CEP85: variants seen among roughly 807,000 people sequenced by gnomAD.
CEP85 encodes centrosomal protein of 85 kDa.
CEP85 carries 58 observed loss-of-function variants against 93.7 expected under a neutral mutation model. The ratio of observed to expected loss-of-function variants is 0.62; its 90% CI spans 0.50 to 0.77. The LOEUF (loss-of-function observed/expected upper bound fraction) is 0.77, where lower values mean the gene tolerates loss of function less well. Among genes scored for constraint, CEP85 ranks in the 30% least tolerant of loss-of-function variants. CEP85 has a pLI of 0.00. For synonymous variants in CEP85, 314 were observed against 338.6 expected, an observed-to-expected ratio of 0.93 and a Z score of 0.80; for missense variants, 868 against 922.0, an observed-to-expected ratio of 0.94 and a Z score of 0.76.
At chr1:26,246,000 A>G (rs749248728) in intron 3 of CEP85, among the ~76,000 whole-genome samples, 6 of 151,986 alleles carry the variant, frequency 3.9e-5, no homozygotes, top group Non-Finnish European at 1.5e-5. Flanking sequence ...AGTAAGTTCA[A>G]TCACTTTGTT....
intron 2 of CEP85, among the ~76,000 whole-genome samples, chr1:26,242,615 A>G (rs1448978594): frequency 6.6e-6 from 1 of 152,142 alleles, no homozygotes; most frequent in African/African-American, 2.4e-5. Flanking sequence ...AAGATGAGAG[A>G]AGCACTAAAC....
chr1:26,251,252 T>TG (rs1417474115), intron 3 of CEP85, among the ~76,000 whole-genome samples: 3 of 22,248 alleles, frequency 1.3e-4, no homozygotes, highest in Non-Finnish European at 3.0e-4. Context: ...CCAAGCTTGG[T>TG]TTTTTTTTTT....
chr1:26,267,643 T>C (rs1247489959), intron 7 of CEP85, among the ~76,000 whole-genome samples: 1 of 152,210 alleles, frequency 6.6e-6, no homozygotes, highest in Non-Finnish European at 1.5e-5. Context: ...GAGCAGAGCT[T>C]CCATGCCCTC....
intron 7 of CEP85, among the ~76,000 whole-genome samples, chr1:26,267,241 A>G (rs1447970790): frequency 1.3e-5 from 2 of 152,216 alleles, no homozygotes; most frequent in Non-Finnish European, 2.9e-5. Context: ...GGAAAGTGCT[A>G]TACTTATTAT....
At chr1:26,269,245 GT>G (rs2089936578) in intron 8 of CEP85, 6 of 554,360 alleles carry the variant, frequency 1.1e-5, no homozygotes, top group Middle Eastern at 9.7e-4. Flanking sequence ...GACTACCTGC[GT>G]CAGAAATAAG....
chr1:26,270,136 G>T (rs1300368504), intron 9 of CEP85, among the ~76,000 whole-genome samples: 2 of 152,090 alleles, frequency 1.3e-5, no homozygotes, highest in Non-Finnish European at 2.9e-5. Flanking sequence ...TATCTTCATA[G>T]CCTTTGTAAG....
At position 26,275,057 on chromosome 1, in the gene CEP85, ACAG is replaced by A. The variant is rs1288965756; in HGVS notation, c.1890_1892del (p.Ala631del). ...GGATTCAGCCCTGCAGCAGCTGCGC[ACAG>A]CCGTGAAGGAGGTGAGCAACATTAG... On this transcript the variant is annotated inframe_deletion, in exon 12 of 14. Transcript: ENST00000451429. 2.5e-6 allele frequency: 4 copies of A among 1,574,510 alleles called. No homozygotes were observed. Among genetic ancestry groups the A allele is most frequent in the Non-Finnish European group, 3.4e-6 (4 of 1,159,894 alleles).
At chr1:26,260,220 G>C (rs1226290925) in intron 7 of CEP85, among the ~76,000 whole-genome samples, 1 of 152,162 alleles carries the variant, frequency 6.6e-6, no homozygotes, top group Non-Finnish European at 1.5e-5. Context: ...ATCAGGCATG[G>C]TGGCTCACGC....
At chr1:26,248,301 A>G (rs1156399520) in intron 3 of CEP85, among the ~76,000 whole-genome samples, 3 of 152,194 alleles carry the variant, frequency 2.0e-5, no homozygotes, top group Non-Finnish European at 4.4e-5. Flanking sequence ...TATTTTTAAA[A>G]TCAATCAGTG....
rs1233770081 is a variant in CEP85, at chr1:26,271,055, G to A, written c.1691G>A (p.Gly564Asp). 1.2e-6 allele frequency: 2 copies of A among 1,613,772 alleles called. No individual in the cohort carries two copies. The highest frequency in any genetic ancestry group is 4.5e-5 in the East Asian group (2 of 44,874). The change falls in exon 10 of 14, where the codon GGT (glycine) becomes GAT (aspartate). Residue 564 changes from glycine (G) to aspartate (D), a missense_variant. Transcript: ENST00000451429. Reference protein sequence around the residue: ...KQSVEETSGEGPEVEMESWQK... With the variant: ...KQSVEETSGEDPEVEMESWQK... ...TCTGTGGAGGAGACCAGTGGAGAAG[G>A]TCCAGAAGTGGAAATGGAGTCCTGG...
chr1:26,252,970 T>C (rs1242481855), intron 3 of CEP85, among the ~76,000 whole-genome samples: 1 of 152,176 alleles, frequency 6.6e-6, no homozygotes, highest in African/African-American at 2.4e-5. Context: ...TTTTTTTAGC[T>C]TCCACATATA....
chr1:26,265,293 A>AT (rs970133113), intron 7 of CEP85, among the ~76,000 whole-genome samples: 39 of 151,604 alleles, frequency 2.6e-4, no homozygotes, highest in African/African-American at 9.0e-4. Flanking sequence ...TAATTTTTGT[A>AT]TTTTTTATAG....
chr1:26,256,928 G>GGTGTGTGTGTGTGTGTGTGT (rs71004573), intron 4 of CEP85, among the ~76,000 whole-genome samples: 2,457 of 111,440 alleles, frequency 0.022, 52 homozygotes, highest in African/African-American at 0.036. Flanking sequence ...GTTTTGTTTT[G>GGTGTGTGTGTGTGTGTGTGT]GTGTGTGTGT....
intron 7 of CEP85, among the ~76,000 whole-genome samples, chr1:26,264,939 C>T (rs2089870330): frequency 6.6e-6 from 1 of 150,616 alleles, no homozygotes; most frequent in Non-Finnish European, 1.5e-5. Flanking sequence ...GCCTCAGCTA[C>T]CTGAGTAGCT....
Position 26,244,288 on chromosome 1 carries a change from A to T in CEP85, c.178A>T (p.Ile60Phe), listed in dbSNP as rs2089476071. The change falls in exon 3 of 14, where the codon ATT (isoleucine) becomes TTT (phenylalanine). Residue 60 changes from isoleucine (I) to phenylalanine (F), a missense_variant. Physicochemically the swap from Ile to Phe is conservative, Grantham distance 21 (BLOSUM62 0). Coordinates refer to ENST00000451429, the MANE Select transcript of CEP85 (RefSeq NM_001319944.2). ...SSVADSGDTAIGTSCSDIAED... is the reference protein window; with the variant it reads ...SSVADSGDTAFGTSCSDIAED... ...TGTAGCCGACAGTGGGGACACAGCC[A>T]TTGGTACATCATGCTCAGATATTGC... The T allele has an allele frequency of 2.5e-6, 4 of 1,614,112 alleles. No homozygotes were observed. The African/African-American group carries it at 5.3e-5, about 22-fold the overall frequency.
chr1:26,267,315 G>A (rs905590988), intron 7 of CEP85, among the ~76,000 whole-genome samples: 6 of 152,122 alleles, frequency 3.9e-5, no homozygotes, highest in Non-Finnish European at 1.5e-5. Flanking sequence ...TGTAATCCCA[G>A]CACTTTGGGA....
At chr1:26,248,253 G>A (rs1262663617) in intron 3 of CEP85, among the ~76,000 whole-genome samples, 1 of 152,102 alleles carries the variant, frequency 6.6e-6, no homozygotes, top group Non-Finnish European at 1.5e-5. Flanking sequence ...GTCTACATGT[G>A]CAGTCATAGG....
At chr1:26,269,782 CTT>C (rs748230113) in intron 9 of CEP85, among the ~76,000 whole-genome samples, 168 bp downstream of exon 9, 7 of 84,724 alleles carry the variant, frequency 8.3e-5, no homozygotes, top group African/African-American at 1.8e-4. Context: ...TGGGAAGCGG[CTT>C]TTTTTTTTTT....
chr1:26,248,564 C>T (rs1268649053), intron 3 of CEP85, among the ~76,000 whole-genome samples: 14 of 151,432 alleles, frequency 9.2e-5, no homozygotes, highest in African/African-American at 3.2e-4. Context: ...GGCCCAATCT[C>T]GGCTCACTGT....
Sources: allele counts gnomAD v4.1 joint callset (sites outside exome capture counted in the v4.1 genomes callset), GRCh38; gene constraint gnomAD v4.1.1; transcripts MANE v1.5; gene names NCBI Gene and HGNC (gene_info 2026-07-23, HGNC 2026-07-21).